Variants in CAP1 observed in about 807,000 individuals in gnomAD.
The protein encoded by CAP1 is adenylyl cyclase-associated protein 1.
In CAP1, 11 loss-of-function variants were observed where a neutral mutation model predicts 58.2. That is an observed-to-expected ratio of 0.19 (90% CI 0.12 to 0.31). CAP1 has a LOEUF of 0.31. Ranked by LOEUF, CAP1 falls within the 10% of genes least tolerant of loss-of-function variation. The pLI is 1.00. For missense variants in CAP1, 423 were observed against 587.5 expected (o/e 0.72, Z 2.89); for synonymous variants, 183 against 213.8 (o/e 0.86, Z 1.26).
intron 1 of CAP1, among the ~76,000 whole-genome samples, chr1:40,054,058 A>C (rs1164914509): frequency 6.6e-6 from 1 of 152,162 alleles, no homozygotes; most frequent in African/African-American, 2.4e-5. Context: ...ATAAGCAAAA[A>C]ATTAAAACAA....
chr1:40,046,973 AT>A (rs1646137229), intron 1 of CAP1, among the ~76,000 whole-genome samples: 1 of 151,990 alleles, frequency 6.6e-6, no homozygotes, highest in South Asian at 2.1e-4. Context: ...GGGTTTAACT[AT>A]ATTGGCCAGG....
intron 1 of CAP1, among the ~76,000 whole-genome samples, chr1:40,047,661 T>C (rs944884638): frequency 2.6e-5 from 4 of 152,184 alleles, no homozygotes; most frequent in Non-Finnish European, 5.9e-5. Context: ...CTATAAAACA[T>C]GTAGAAGTAG....
intron 1 of CAP1, among the ~76,000 whole-genome samples, chr1:40,047,855 T>G (rs1488979951): frequency 1.3e-5 from 2 of 152,114 alleles, no homozygotes; most frequent in African/African-American, 2.4e-5. Flanking sequence ...GTAGAGGACA[T>G]GTGTAAGGAG....
intron 1 of CAP1, among the ~76,000 whole-genome samples, chr1:40,045,410 T>C (rs1053557474): frequency 3.9e-5 from 6 of 152,266 alleles, no homozygotes; most frequent in African/African-American, 1.4e-4. Flanking sequence ...CTTCAAGAAA[T>C]TACTGTTCCT....
chr1:40,069,463 C>T, intron 8 of CAP1: 1 of 475,540 alleles, frequency 2.1e-6, no homozygotes, highest in African/African-American at 2.0e-5. Flanking sequence ...TATCCTTATC[C>T]TCACCCACAA....
chr1:40,060,796 C>T (rs1349245120), intron 3 of CAP1, among the ~76,000 whole-genome samples: 2 of 151,586 alleles, frequency 1.3e-5, no homozygotes, highest in Non-Finnish European at 2.9e-5. Flanking sequence ...AAACCTTTCT[C>T]GAAGACTGGT....
At chr1:40,057,432 C>CT (rs757526074) in intron 1 of CAP1, 1 of 152,118 alleles carries the variant, frequency 6.6e-6, no homozygotes, top group African/African-American at 2.4e-5. Flanking sequence ...ATGGTCTGCT[C>CT]TATTTGAGAG....
chr1:40,056,915 A>AG (rs11375228), intron 1 of CAP1, among the ~76,000 whole-genome samples: 105,382 of 151,812 alleles, frequency 0.69, 36,840 homozygotes, highest in Non-Finnish European at 0.74. Context: ...AGCAAAAAAA[A>AG]CAGTTTCTGT....
chr1:40,061,454 C>T (rs911772425), intron 3 of CAP1, among the ~76,000 whole-genome samples: 2 of 152,166 alleles, frequency 1.3e-5, no homozygotes, highest in African/African-American at 2.4e-5. Context: ...TGCACGGTAT[C>T]ACAATGCATG....
chr1:40,050,748 A>T (rs917024748), intron 1 of CAP1, among the ~76,000 whole-genome samples: 1 of 152,076 alleles, frequency 6.6e-6, no homozygotes, highest in Non-Finnish European at 1.5e-5. Flanking sequence ...AACTTTCTAG[A>T]CCCTAATATC....
chr1:40,066,543 T>C (rs1183614690), intron 7 of CAP1, among the ~76,000 whole-genome samples: 2 of 152,216 alleles, frequency 1.3e-5, no homozygotes, highest in Non-Finnish European at 2.9e-5. Context: ...TCAATAAATA[T>C]GTTAGGGACA....
chr1:40,072,311 C>T lies in CAP1; in HGVS notation c.*778C>T, dbSNP rs190302166. 9.4e-4 allele frequency: 350 copies of T among 370,524 alleles called. No homozygotes were observed. The highest frequency in any genetic ancestry group is 7.0e-3 in the African/African-American group (331 of 47,612). 23.0% of individuals were successfully genotyped at this position (370,524 alleles called of 1,614,324 possible). ...AGGAGTCTGGCATTCCTGAATCCTT[C>T]TTCCCTGCCAGGTGCCTGTCACCTG... On this transcript the variant is annotated 3_prime_UTR_variant, in exon 13 of 13. Coordinates refer to ENST00000372805, the MANE Select transcript of CAP1 (RefSeq NM_006367.4).
In CAP1 at chr1:40,070,843, G is replaced by A. The variant is rs778917622; in HGVS notation, c.1208G>A (p.Gly403Asp). Residue 403 changes from glycine (G) to aspartate (D), a missense_variant, in exon 12 of 13, where the codon GGT (glycine) becomes GAT (aspartate). Coordinates refer to ENST00000372805, the MANE Select transcript of CAP1 (RefSeq NM_006367.4). ...TCTTTGTTTACTCTGCAGGTAATGG[G>A]TAAAGTGCCAACCATATCCATCAAC... is the stretch of plus-strand genomic sequence containing the variant. ...NSKDVKVQVMGKVPTISINKT... is the reference protein window; with the variant it reads ...NSKDVKVQVMDKVPTISINKT... The A allele has an allele frequency of 6.2e-7, 1 of 1,610,964 alleles. No homozygotes were observed. Among genetic ancestry groups the A allele is most frequent in the Non-Finnish European group, 8.5e-7 (1 of 1,179,154 alleles).
intron 1 of CAP1, among the ~76,000 whole-genome samples, chr1:40,047,141 A>G (rs1453298122): frequency 2.8e-5 from 3 of 108,072 alleles, no homozygotes; most frequent in African/African-American, 5.0e-5. Flanking sequence ...ATCCCCATAT[A>G]ATCCCATATA....
intron 1 of CAP1, among the ~76,000 whole-genome samples, chr1:40,048,260 C>T (rs189616780): frequency 1.3e-5 from 2 of 152,182 alleles, no homozygotes; most frequent in African/African-American, 4.8e-5. Context: ...CCAGGCTGGT[C>T]TCGAACTCCT....
intron 7 of CAP1, among the ~76,000 whole-genome samples, chr1:40,066,747 T>G (rs556684603): frequency 4.5e-4 from 69 of 152,354 alleles, no homozygotes; most frequent in African/African-American, 1.6e-3. Context: ...GTATATACTC[T>G]TCTGTGAGAC....
chr1:40,064,084 G>A (rs958327718), intron 4 of CAP1, 143 bp from the exon 5 acceptor site: 95 of 717,182 alleles, frequency 1.3e-4, no homozygotes, highest in South Asian at 5.8e-4. Flanking sequence ...CAGTATTTTA[G>A]CCTTAGGAAT....
Position 40,070,257 on chromosome 1 carries a change from G to A in CAP1, c.1092G>A (p.Lys364=). The stretch of plus-strand genomic sequence containing the variant: ...GTGTCAACACGACATTGCAAATCAA[G>A]GGCAAAATTAACTCCATTACAGTAG... The part of the protein sequence containing the change: ...YKCVNTTLQI[K]GKINSITVDN... Residue 364 remains lysine (K), a synonymous_variant, in exon 10 of 13, where the codon AAG becomes AAA. Coordinates refer to ENST00000372805, the MANE Select transcript of CAP1 (RefSeq NM_006367.4). The A allele has an allele frequency of 6.2e-7, 1 of 1,614,164 alleles. No individual in the cohort carries two copies. The highest frequency in any genetic ancestry group is 8.5e-7 in the Non-Finnish European group (1 of 1,180,020).
In CAP1 at chr1:40,067,824, C is replaced by T. The variant is rs542961079; in HGVS notation, c.808+107C>T. On this transcript the variant is annotated intron_variant, in intron 8 of 12. Transcript: ENST00000372805. ...ACAACCCTGGCTTGTGTGGTGGAGACTCGTTTGGTGTGTCCTGTTCCTTTA... is the reference window on the plus strand; with the variant it reads ...ACAACCCTGGCTTGTGTGGTGGAGATTCGTTTGGTGTGTCCTGTTCCTTTA... The T allele has an allele frequency of 3.2e-5, 25 of 770,592 alleles. No homozygotes were observed. In the Admixed American group the frequency reaches 4.4e-4, roughly 13 times the overall value. 47.7% of individuals were successfully genotyped at this position (770,592 alleles called of 1,614,324 possible).
Sources: gnomAD v4.1 joint callset for allele counts (sites outside exome capture counted in the v4.1 genomes callset) on GRCh38, gnomAD v4.1.1 for gene constraint, MANE v1.5 for transcripts, NCBI Gene and HGNC (gene_info 2026-07-23, HGNC 2026-07-21) for gene names.